LGR6: variants seen among roughly 807,000 people sequenced by gnomAD.
LGR6 encodes the protein leucine rich repeat containing G protein-coupled receptor 6, also known as leucine-rich repeat-containing G protein-coupled receptor 6.
LGR6 carries 45 observed loss-of-function variants against 69.4 expected under a neutral mutation model. The ratio of observed to expected loss-of-function variants is 0.65; its 90% CI spans 0.51 to 0.83. LGR6 has a LOEUF of 0.83. Ranked by LOEUF, LGR6 falls within the 40% of genes least tolerant of loss-of-function variation. The pLI is 0.00. For synonymous variants in LGR6, 538 were observed against 555.0 expected (o/e 0.97, Z 0.43); for missense variants, 1,108 against 1,246.7 (o/e 0.89, Z 1.68).
intron 11 of LGR6, among the ~76,000 whole-genome samples, chr1:202,305,404 C>T (rs184864262): frequency 1.6e-4 from 24 of 152,292 alleles, no homozygotes; most frequent in African/African-American, 5.5e-4. Flanking sequence ...CTCTCCCTGA[C>T]TCTTTGCCTG....
chr1:202,202,636 C>A (rs1421059775), intron 1 of LGR6, among the ~76,000 whole-genome samples: 3 of 152,248 alleles, frequency 2.0e-5, no homozygotes, highest in African/African-American at 7.2e-5. Flanking sequence ...TGGCACATAG[C>A]AAATGCCCAA....
chr1:202,303,371 C>G (rs1300231051), intron 10 of LGR6, 24 bp downstream of exon 10: 2 of 1,586,400 alleles, frequency 1.3e-6, no homozygotes, highest in African/African-American at 1.3e-5. Flanking sequence ...CTCTCCCTAC[C>G]TTATCTATCG....
At chr1:202,236,086 G>A in intron 4 of LGR6, 93 bp downstream of exon 4, 1 of 1,019,030 alleles carries the variant, frequency 9.8e-7, no homozygotes. Flanking sequence ...CCTTCCCTCT[G>A]CAGGCGCCCC....
At chr1:202,214,496 C>T (rs1659632017) in intron 1 of LGR6, among the ~76,000 whole-genome samples, 1 of 151,822 alleles carries the variant, frequency 6.6e-6, no homozygotes, top group Admixed American at 6.6e-5. Context: ...GAGGCTGGTC[C>T]CCGCCCCCGG....
At chr1:202,220,210 T>C (rs12129536) in intron 1 of LGR6, among the ~76,000 whole-genome samples, 53,967 of 151,512 alleles carry the variant, frequency 0.36, 9,937 homozygotes, top group Non-Finnish European at 0.41. Flanking sequence ...TTTACTCATA[T>C]ACTTCACACT....
chr1:202,319,327 G>A lies in LGR6; in HGVS notation c.*120G>A, dbSNP rs1654449056. 1.7e-6 allele frequency: 2 copies of A among 1,153,932 alleles called. No individual in the cohort carries two copies. The highest frequency in any genetic ancestry group is 2.4e-6 in the Non-Finnish European group (2 of 840,216). The allele number at this position is 1,153,932 out of a possible 1,614,324, so 71.5% of individuals were successfully genotyped here. ...CAGCAGTGTGATCTATAGCAGGATG[G>A]CCCAGTCCCTGGCTCCACTGATCAC... On this transcript the variant is annotated 3_prime_UTR_variant, in exon 18 of 18. Coordinates refer to ENST00000367278, the MANE Select transcript of LGR6 (RefSeq NM_001017403.2).
At chr1:202,297,776 G>A (rs1271726542) in intron 7 of LGR6, among the ~76,000 whole-genome samples, 200 bp downstream of exon 7, 2 of 140,542 alleles carry the variant, frequency 1.4e-5, no homozygotes, top group Non-Finnish European at 3.0e-5. Context: ...GCTTGGTTTC[G>A]GGCACTTCCT....
At chr1:202,266,901 C>T (rs1664713148) in intron 4 of LGR6, among the ~76,000 whole-genome samples, 1 of 151,442 alleles carries the variant, frequency 6.6e-6, no homozygotes, top group African/African-American at 2.4e-5. Context: ...CTCTCTAACG[C>T]GCGCACACAC....
At chr1:202,253,212 G>T (rs1285628157) in intron 4 of LGR6, among the ~76,000 whole-genome samples, 11 of 152,298 alleles carry the variant, frequency 7.2e-5, no homozygotes, top group Admixed American at 2.0e-4. Flanking sequence ...GAATAACAAA[G>T]TGGTTGTTTT....
rs200800067 is a variant in LGR6 at position 202,319,052 on chromosome 1, T to A, written c.2749T>A (p.Cys917Ser). The change falls in exon 18 of 18, where the codon TGT becomes AGT. Residue 917 changes from cysteine to serine, a missense_variant. Transcript: ENST00000367278. ...PGAPRLEGSH[C>S]VEPEGNHFGN... ...GGCCCCCAGGCTGGAGGGCAGCCAT[T>A]GTGTAGAGCCAGAGGGGAACCACTT... 3.1e-6 allele frequency: 5 copies of A among 1,614,162 alleles called. No homozygotes were observed. The East Asian group carries it at 1.1e-4, about 36-fold the overall frequency.
intron 14 of LGR6, among the ~76,000 whole-genome samples, chr1:202,308,053 G>A (rs1653398618): frequency 6.6e-6 from 1 of 152,170 alleles, no homozygotes; most frequent in Non-Finnish European, 1.5e-5. Flanking sequence ...CCTAGACTGG[G>A]CCCTTTTCTG....
intron 11 of LGR6, 121 bp from the exon 12 acceptor site, chr1:202,305,563 G>A: frequency 1.3e-6 from 1 of 785,810 alleles, no homozygotes; most frequent in Non-Finnish European, 2.2e-6. Context: ...GTCCCTGTGG[G>A]GTCCCCACAG....
intron 3 of LGR6, among the ~76,000 whole-genome samples, chr1:202,234,328 G>T (rs922617792): frequency 6.6e-6 from 1 of 152,118 alleles, no homozygotes; most frequent in African/African-American, 2.4e-5. Flanking sequence ...CTCTATGAAG[G>T]GCTCCTCCTA....
intron 1 of LGR6, chr1:202,194,703 G>GC (rs55895621): frequency 0.1 from 16,415 of 160,032 alleles, 1,225 homozygotes; most frequent in Admixed American, 0.22. Flanking sequence ...CCTTCGTGGG[G>GC]GCGGGGGGGG....
At chr1:202,271,829 AGAGAGAGGG>A (rs1174629325) in intron 4 of LGR6, among the ~76,000 whole-genome samples, 3 of 145,230 alleles carry the variant, frequency 2.1e-5, no homozygotes, top group Non-Finnish European at 4.6e-5. Context: ...AAAAAAAAAA[AGAGAGAGGG>A]GAGAGAGGAG....
At chr1:202,308,856 C>T (rs1653480091) in intron 14 of LGR6, among the ~76,000 whole-genome samples, 195 bp from the exon 15 acceptor site, 1 of 152,212 alleles carries the variant, frequency 6.6e-6, no homozygotes. Flanking sequence ...AATGAACAAC[C>T]TGCAGATGGT....
At chr1:202,270,505 G>A (rs1665010027) in intron 4 of LGR6, among the ~76,000 whole-genome samples, 1 of 151,928 alleles carries the variant, frequency 6.6e-6, no homozygotes, top group African/African-American at 2.4e-5. Flanking sequence ...GCCTCCCAAA[G>A]TGCTGGGATT....
intron 3 of LGR6, among the ~76,000 whole-genome samples, chr1:202,234,567 T>G (rs190898814): frequency 1.1e-4 from 17 of 152,292 alleles, no homozygotes; most frequent in African/African-American, 4.1e-4. Context: ...GATGCTGTGG[T>G]GTAATGGTTA....
Position 202,309,859 on chromosome 1 carries a change from C to G in LGR6, c.1407-338C>G, listed in dbSNP as rs1653573105. Among the ~76,000 whole-genome samples, 8 of 152,248 alleles carry G rather than the reference C, an allele frequency of 5.3e-5. No individual in the cohort carries two copies. The South Asian group carries it at 1.7e-3, about 32-fold the overall frequency. On this transcript the variant is annotated intron_variant, in intron 15 of 17. Transcript: ENST00000367278. Reference sequence around the variant, plus strand: ...GTTGCCTGGGAGAAGAAGCAGAGCACTGGCAGTGCTGTGTGAGCTTGGGGA... The same window carrying G: ...GTTGCCTGGGAGAAGAAGCAGAGCAGTGGCAGTGCTGTGTGAGCTTGGGGA...
Sources: gnomAD v4.1 joint callset for allele counts (sites outside exome capture counted in the v4.1 genomes callset) on GRCh38, gnomAD v4.1.1 for gene constraint, MANE v1.5 for transcripts, NCBI Gene and HGNC (gene_info 2026-07-23, HGNC 2026-07-21) for gene names.